CEP112: variants seen among roughly 807,000 people sequenced by gnomAD.
CEP112 encodes centrosomal protein of 112 kDa.
In CEP112, 127 loss-of-function variants were observed where a neutral mutation model predicts 153.0. The observed-to-expected ratio is 0.83, with a 90% confidence interval of 0.72 to 0.96. The LOEUF is 0.96. Among genes scored for constraint, CEP112 ranks in the 40% least tolerant of loss-of-function variants. The pLI, the probability that CEP112 is intolerant of heterozygous loss-of-function variation, is 0.00. For synonymous variants in CEP112, 358 were observed against 374.4 expected (o/e 0.96, Z 0.51); for missense variants, 1,089 against 1,101.2 (o/e 0.99, Z 0.16).
At chr17:65,984,367 G>A (rs992504614) in intron 17 of CEP112, among the ~76,000 whole-genome samples, 1 of 152,108 alleles carries the variant, frequency 6.6e-6, no homozygotes, top group Admixed American at 6.5e-5. Context: ...AAAGAAACTA[G>A]AAATCTAAAA....
At chr17:66,025,519 A>G (rs866069202) in intron 16 of CEP112, among the ~76,000 whole-genome samples, 5 of 152,164 alleles carry the variant, frequency 3.3e-5, no homozygotes, top group Non-Finnish European at 4.4e-5. Flanking sequence ...TCAAAAAAAG[A>G]CACACAAAAG....
chr17:65,994,645 T>C (rs2063716774), intron 17 of CEP112, among the ~76,000 whole-genome samples: 1 of 152,072 alleles, frequency 6.6e-6, no homozygotes, highest in African/African-American at 2.4e-5. Flanking sequence ...TAACTTCTAA[T>C]AGGAATTTTG....
intron 16 of CEP112, among the ~76,000 whole-genome samples, chr17:66,027,017 G>T (rs1294839588): frequency 6.6e-6 from 1 of 152,142 alleles, no homozygotes; most frequent in Non-Finnish European, 1.5e-5. Flanking sequence ...TGAAGCAGTT[G>T]TTTATTATAT....
chr17:65,655,281 G>A, intron 24 of CEP112: 3 of 1,259,446 alleles, frequency 2.4e-6, no homozygotes, highest in South Asian at 1.2e-5. Flanking sequence ...TTTGTTGGGT[G>A]CAGGCTGAGC....
At position 65,961,422 on chromosome 17, in the gene CEP112, G is replaced by A. The variant is rs757588683; in HGVS notation, c.1872+41C>T. The A allele has an allele frequency of 3.9e-6, 6 of 1,544,036 alleles. No individual in the cohort carries two copies. In the East Asian group the frequency reaches 1.2e-4, roughly 30 times the overall value. On this transcript the variant is annotated intron_variant, in intron 18 of 26. Coordinates refer to ENST00000535342, the MANE Select transcript of CEP112 (RefSeq NM_001199165.4). ...AGATGAGAATGTACCTTCCTACTGA[G>A]AGAGTGACTTTCAAAAGGGATGGTG...
intron 17 of CEP112, among the ~76,000 whole-genome samples, chr17:66,001,436 A>C (rs758031040): frequency 6.6e-6 from 1 of 152,220 alleles, no homozygotes; most frequent in Non-Finnish European, 1.5e-5. Flanking sequence ...TACTGTACAT[A>C]TACTTAATAC....
intron 6 of CEP112, among the ~76,000 whole-genome samples, chr17:66,097,355 GTACCCT>G (rs2068391594): frequency 6.6e-6 from 1 of 152,116 alleles, no homozygotes; most frequent in African/African-American, 2.4e-5. Flanking sequence ...TACTCCAGTA[GTACCCT>G]GGATGCTAGT....
intron 24 of CEP112, chr17:65,655,048 TG>T: frequency 1.5e-6 from 1 of 683,132 alleles, no homozygotes; most frequent in Non-Finnish European, 2.8e-6. Flanking sequence ...CTCTTGACAC[TG>T]GAGATCCAGA....
intron 24 of CEP112, among the ~76,000 whole-genome samples, chr17:65,658,412 T>A (rs1012061938): frequency 6.6e-6 from 1 of 152,180 alleles, no homozygotes; most frequent in African/African-American, 2.4e-5. Context: ...GCTGATTAAT[T>A]ACCTGTCTCA....
intron 6 of CEP112, among the ~76,000 whole-genome samples, chr17:66,116,415 T>C (rs2069295644): frequency 6.6e-6 from 1 of 152,200 alleles, no homozygotes; most frequent in Non-Finnish European, 1.5e-5. Context: ...GGTTTTTGTT[T>C]ATATTTTGGC....
At chr17:65,890,326 G>A (rs1375384007) in intron 20 of CEP112, among the ~76,000 whole-genome samples, 6 of 152,310 alleles carry the variant, frequency 3.9e-5, no homozygotes, top group African/African-American at 7.2e-5. Context: ...AACATGGTAC[G>A]TGTTCTTCAT....
intron 12 of CEP112, chr17:66,042,951 G>A: frequency 3.8e-6 from 1 of 263,274 alleles, no homozygotes; most frequent in Non-Finnish European, 5.9e-6. Flanking sequence ...AAGAAATGGT[G>A]ATAGAAACTA....
chr17:65,688,199 A>G (rs1239491901), intron 24 of CEP112: 1 of 152,266 alleles, frequency 6.6e-6, no homozygotes, highest in Non-Finnish European at 1.5e-5. Context: ...AATGGAAAGA[A>G]AAAGGAGAAA....
chr17:66,179,969 G>T (rs2072648799), intron 2 of CEP112, among the ~76,000 whole-genome samples: 2 of 151,984 alleles, frequency 1.3e-5, no homozygotes, highest in Admixed American at 1.3e-4. Context: ...GTCCACCATT[G>T]TGTTATGATT....
chr17:66,017,825 C>T (rs935171725), intron 16 of CEP112, among the ~76,000 whole-genome samples: 2 of 151,946 alleles, frequency 1.3e-5, no homozygotes, highest in East Asian at 3.9e-4. Context: ...ATGGTGAAAG[C>T]CCCGTCTCTA....
chr17:65,646,830 C>T (rs571541922), intron 24 of CEP112, among the ~76,000 whole-genome samples: 11 of 152,292 alleles, frequency 7.2e-5, no homozygotes, highest in Non-Finnish European at 1.0e-4. Flanking sequence ...GGGGATGGGG[C>T]GTTGAACTGC....
chr17:65,995,684 CTT>C (rs1274643549), intron 17 of CEP112, among the ~76,000 whole-genome samples: 1 of 152,134 alleles, frequency 6.6e-6, no homozygotes, highest in East Asian at 1.9e-4. Flanking sequence ...TGAAATTTCT[CTT>C]TTACAAAATG....
Position 66,175,341 on chromosome 17 carries a change from T to C in CEP112, c.298-125A>G. On this transcript the variant is annotated intron_variant, in intron 3 of 26. Coordinates refer to ENST00000535342, the MANE Select transcript of CEP112 (RefSeq NM_001199165.4). Reference sequence around the variant, plus strand: ...ACTCAAATTCAATTACATTCAAACATTTAAAAAATTAAATGTACATTGAAT... The same window carrying C: ...ACTCAAATTCAATTACATTCAAACACTTAAAAAATTAAATGTACATTGAAT... 3.2e-6 allele frequency: 2 copies of C among 621,394 alleles called. 1 individual carries two copies. The highest frequency in any genetic ancestry group is 6.1e-5 in the South Asian group (2 of 32,976). 38.5% of individuals were successfully genotyped at this position (621,394 alleles called of 1,614,324 possible).
intron 20 of CEP112, among the ~76,000 whole-genome samples, chr17:65,881,198 CAGAG>C (rs1211744332): frequency 3.3e-5 from 5 of 152,272 alleles, no homozygotes; most frequent in African/African-American, 4.8e-5. Flanking sequence ...GCCTGGGCGA[CAGAG>C]AGAGACTCTG....
Sources: allele counts gnomAD v4.1 joint callset (sites outside exome capture counted in the v4.1 genomes callset), GRCh38; gene constraint gnomAD v4.1.1; transcripts MANE v1.5; gene names NCBI Gene and HGNC (gene_info 2026-07-23, HGNC 2026-07-21).